The following GRAMD4 variants were observed in gnomAD, a reference collection of about 807,000 sequenced individuals.
GRAMD4 encodes the protein GRAM domain-containing protein 4.
In GRAMD4, 25 loss-of-function variants were observed where a neutral mutation model predicts 83.9. The observed-to-expected ratio is 0.30, with a 90% confidence interval of 0.22 to 0.42. GRAMD4 has a LOEUF of 0.42. Ranked by LOEUF, GRAMD4 falls within the 10% of genes least tolerant of loss-of-function variation. GRAMD4 has a pLI of 1.00. For synonymous variants in GRAMD4, 336 were observed against 320.9 expected (o/e 1.05, Z -0.50); for missense variants, 593 against 788.7 (o/e 0.75, Z 2.97).
chr22:46,634,343 A>C (rs138475), intron 2 of GRAMD4, among the ~76,000 whole-genome samples: 55,106 of 152,090 alleles, frequency 0.36, 11,043 homozygotes, highest in East Asian at 0.58. Context: ...AATGGAGAGA[A>C]ACTTCTGGAA....
At position 46,634,004 on chromosome 22, in the gene GRAMD4, C is replaced by T. The variant is rs541855497; in HGVS notation, c.163-3836C>T. ...GCCACCCTCAGGCCTGTCTCACCCC[C>T]GGGTGCCTGTGCTCTCAGCAGACAG... On this transcript the variant is annotated intron_variant, in intron 2 of 18. Transcript: ENST00000406902. 6.6e-5 allele frequency among the ~76,000 whole-genome samples: 10 copies of T among 152,366 alleles called. No homozygotes were observed. The East Asian group carries it at 1.2e-3, about 18-fold the overall frequency.
Position 46,585,193 on chromosome 22 carries a change from C to CT in GRAMD4, c.-50+7918dup, listed in dbSNP as rs61489516. ...TGGAGCCTGTCTTTTTTCTTTCTTT[C>CT]TTTTTTTTTTTTTTTAGATGGAGTT... On this transcript the variant is annotated intron_variant, in intron 1 of 1. Transcript: ENST00000431155. 2.1e-3 allele frequency among the ~76,000 whole-genome samples: 300 copies of CT among 141,668 alleles called. 2 individuals carry two copies. The highest frequency in any genetic ancestry group is 5.1e-3 in the African/African-American group (195 of 38,596). 92.9% of individuals were successfully genotyped at this position (141,668 alleles called of 152,430 possible). A position where few individuals can be genotyped will look rare whatever the true frequency, so the allele number is the denominator to read the frequency against.
rs1245587159 is a variant in GRAMD4 at position 46,658,249 on chromosome 22, C to T, written c.346C>T (p.Arg116Cys). 3.1e-6 allele frequency: 5 copies of T among 1,613,378 alleles called. No homozygotes were observed. Among genetic ancestry groups the T allele is most frequent in the East Asian group, 2.2e-5 (1 of 44,894 alleles). ...NAEMLRQELD[R>C]ERQRRMELEQ... is the part of the protein sequence containing the mutation. ...GGAGATGCTGCGGCAGGAGCTGGAC[C>T]GCGAGCGGCAGCGGCGGATGGAGCT... The change falls in exon 4 of 19, where the codon CGC becomes TGC. Residue 116 changes from arginine to cysteine, a missense_variant. This residue lies in a region of GRAMD4 where 312 missense variants were observed against 350.7 expected (regional missense o/e 0.89). Coordinates refer to ENST00000406902, the MANE Select transcript of GRAMD4 (RefSeq NM_015124.5).
At position 46,672,121 on chromosome 22, in the gene GRAMD4, G is replaced by C. The variant is rs922150193; in HGVS notation, c.1085-722G>C. Among the ~76,000 whole-genome samples, 1 of 152,236 alleles carries C rather than the reference G, an allele frequency of 6.6e-6. No individual in the cohort carries two copies. Among genetic ancestry groups the C allele is most frequent in the African/African-American group, 2.4e-5 (1 of 41,464 alleles). ...ACTCCTGACAGCTTTTGCTGCCCAG[G>C]GGGGTGCGTTAGCAGGTGTGTGGGG... On this transcript the variant is annotated intron_variant, in intron 13 of 18. Transcript: ENST00000406902. This position sits in a 1 kb window ranked among gnomAD's most constrained non-coding sequence, Gnocchi z 4.7.
rs552279985 is a variant in GRAMD4 at position 46,671,041 on chromosome 22, C to T, written c.1085-1802C>T. 18 of 456,590 alleles carry T rather than the reference C, an allele frequency of 3.9e-5. No homozygotes were observed. In the Admixed American group the frequency reaches 4.3e-4, roughly 11 times the overall value. 28.3% of individuals were successfully genotyped at this position (456,590 alleles called of 1,614,324 possible). A position where few individuals can be genotyped will look rare whatever the true frequency, so the allele number is the denominator to read the frequency against. ...CCTGGCTTATCGGTGCCCATGTATT[C>T]TTTTGCAGTGCTGACAAGGGACCTC... is the stretch of plus-strand genomic sequence containing the variant. On this transcript the variant is annotated intron_variant, in intron 13 of 18. Transcript: ENST00000406902.
At chr22:46,627,068 C>A in intron 2 of GRAMD4, 107 bp downstream of exon 2, 1 of 762,400 alleles carries the variant, frequency 1.3e-6, no homozygotes, top group East Asian at 2.5e-5. Flanking sequence ...CCATGCTGGT[C>A]AGAGATGGAC....
At chr22:46,623,920 T>G (rs189101219) in intron 1 of GRAMD4, among the ~76,000 whole-genome samples, 6 of 151,908 alleles carry the variant, frequency 3.9e-5, no homozygotes, top group African/African-American at 1.5e-4. Context: ...TAGCTGGGAT[T>G]GTAGGCGCAC....
At chr22:46,611,921 C>G in intron 1 of GRAMD4, among the ~76,000 whole-genome samples, 1 of 133,884 alleles carries the variant, frequency 7.5e-6, no homozygotes, top group Non-Finnish European at 1.5e-5. Flanking sequence ...GGTGTGAACC[C>G]GGGAAGCGGA....
At chr22:46,648,767 CATGGATGGATGGATGGATGGATGGATGG>C (rs1220197647) in intron 3 of GRAMD4, among the ~76,000 whole-genome samples, 1 of 24,718 alleles carries the variant, frequency 4.0e-5, no homozygotes, top group African/African-American at 1.6e-4. Flanking sequence ...TGGATGGATG[CATGGATGGATGGATGGATGGATGGATGG>C]ATGGATGCAT....
intron 17 of GRAMD4, 103 bp from the exon 18 acceptor site, chr22:46,676,497 C>A: frequency 9.9e-7 from 1 of 1,006,482 alleles, no homozygotes. Flanking sequence ...GTGGGCCCTG[C>A]TGCCTGTGTG....
At chr22:46,629,764 G>A (rs1210220081) in intron 2 of GRAMD4, among the ~76,000 whole-genome samples, 1 of 152,206 alleles carries the variant, frequency 6.6e-6, no homozygotes, top group African/African-American at 2.4e-5. Context: ...GTTTTAAAAG[G>A]TTTTTATCAC....
At chr22:46,645,933 G>A (rs1387651139) in intron 3 of GRAMD4, among the ~76,000 whole-genome samples, 1 of 152,342 alleles carries the variant, frequency 6.6e-6, no homozygotes, top group South Asian at 2.1e-4. Flanking sequence ...ATTCCCCAGG[G>A]TTGTAAGGTG....
Position 46,679,385 on chromosome 22 carries a change from G to T in GRAMD4, c.*2134G>T, listed in dbSNP as rs377537401. ...GGAGGGCCACATTCGGGGAGCGGGG[G>T]GTCGGGGGAGGGCCACCGACTGGCT... On this transcript the variant is annotated 3_prime_UTR_variant, in exon 19 of 19. Transcript: ENST00000406902. The T allele has an allele frequency of 8.5e-4, 842 of 985,412 alleles. 4 individuals carry two copies. The African/African-American group carries it at 0.014, about 16-fold the overall frequency. 61.0% of individuals were successfully genotyped at this position (985,412 alleles called of 1,614,324 possible).
chr22:46,606,780 C>G (rs2081369824), intron 1 of GRAMD4, among the ~76,000 whole-genome samples: 1 of 152,268 alleles, frequency 6.6e-6, no homozygotes, highest in Non-Finnish European at 1.5e-5. Flanking sequence ...TGGACGGGCA[C>G]TCGGGTTATT....
chr22:46,674,780 T>C, intron 16 of GRAMD4, 30 bp downstream of exon 16: 3 of 1,495,042 alleles, frequency 2.0e-6, no homozygotes, highest in Non-Finnish European at 1.9e-6. Flanking sequence ...CCTGTGTGGC[T>C]GCAGGGGAGG....
chr22:46,676,745 G>C, intron 18 of GRAMD4, 77 bp downstream of exon 18: 1 of 1,308,158 alleles, frequency 7.6e-7, no homozygotes, highest in African/African-American at 1.5e-5. Flanking sequence ...TGGGACCAGC[G>C]TGGGGCAGAC....
rs1051781632 is a variant in GRAMD4, at chr22:46,622,241, G to A, written c.-50+1676G>A. Among the ~76,000 whole-genome samples the A allele has an allele frequency of 6.6e-5, 10 of 152,238 alleles. No homozygotes were observed. In the East Asian group the frequency reaches 1.7e-3, roughly 27 times the overall value. On this transcript the variant is annotated intron_variant, in intron 1 of 18. Coordinates refer to ENST00000406902, the MANE Select transcript of GRAMD4 (RefSeq NM_015124.5). This position sits in a 1 kb window ranked among gnomAD's most constrained non-coding sequence, Gnocchi z 4.0. ...CTGTCCTCTGCCCAGAGCCCTGCAG[G>A]CAGCCAAGAGTTCTGTGCGTGTCCA...
At chr22:46,577,519 G>A (rs1406287110) in intron 1 of GRAMD4, among the ~76,000 whole-genome samples, 3 of 151,164 alleles carry the variant, frequency 2.0e-5, no homozygotes, top group Non-Finnish European at 4.4e-5. Context: ...GGCACCTGCG[G>A]CCGCAGGTCC....
rs1569305883 is a variant in GRAMD4 at position 46,672,119 on chromosome 22, A to AGG, written c.1085-719_1085-718dup. Among the ~76,000 whole-genome samples the AGG allele has an allele frequency of 1.3e-5, 2 of 152,160 alleles. No homozygotes were observed. The highest frequency in any genetic ancestry group is 4.8e-5 in the African/African-American group (2 of 41,442). ...GAACTCCTGACAGCTTTTGCTGCCC[A>AGG]GGGGGGTGCGTTAGCAGGTGTGTGG... is the stretch of plus-strand genomic sequence containing the variant. On this transcript the variant is annotated intron_variant, in intron 13 of 18. Coordinates refer to ENST00000406902, the MANE Select transcript of GRAMD4 (RefSeq NM_015124.5). The surrounding 1 kb of genome is among the most constrained non-coding windows in gnomAD (Gnocchi z 4.7).
Sources: gnomAD v4.1 joint callset for allele counts (sites outside exome capture counted in the v4.1 genomes callset) on GRCh38, gnomAD v4.1.1 for gene constraint, gnomAD v4.1.1 regional missense constraint, Gnocchi (gnomAD v3.1) non-coding constraint, MANE v1.5 for transcripts, NCBI Gene and HGNC (gene_info 2026-07-23, HGNC 2026-07-21) for gene names.